Variants in HRH2 observed in about 807,000 individuals in gnomAD.
The protein encoded by HRH2 is histamine H2 receptor.
A neutral mutation model predicts 20.1 loss-of-function variants in HRH2; 4 were observed. The ratio of observed to expected loss-of-function variants is 0.20; its 90% CI spans 0.10 to 0.45. The LOEUF (loss-of-function observed/expected upper bound fraction) is 0.45, where lower values mean the gene tolerates loss of function less well. Among genes scored for constraint, HRH2 ranks in the 20% least tolerant of loss-of-function variants. The pLI, the probability that HRH2 is intolerant of heterozygous loss-of-function variation, is 0.99. For missense variants in HRH2, 250 were observed against 461.6 expected, an observed-to-expected ratio of 0.54 and a Z score of 4.20; for synonymous variants, 197 against 200.7, an observed-to-expected ratio of 0.98 and a Z score of 0.16.
At chr5:175,705,638 C>T (rs756309572) in intron 2 of HRH2, among the ~76,000 whole-genome samples, 2 of 151,946 alleles carry the variant, frequency 1.3e-5, no homozygotes, top group Non-Finnish European at 1.5e-5. Context: ...GGACTACCTA[C>T]CCCTACAGGT....
chr5:175,665,567 G>A (rs1208284923), intron 1 of HRH2, among the ~76,000 whole-genome samples: 1 of 152,150 alleles, frequency 6.6e-6, no homozygotes, highest in South Asian at 2.1e-4. Flanking sequence ...ACCACTGACT[G>A]TTGCTTCCAG....
At position 175,693,511 on chromosome 5, in the gene HRH2, G is replaced by A. The variant is rs926769979; in HGVS notation, c.1076+9202G>A. Reference sequence around the variant, plus strand: ...TGGAGGACACTCAGTCCCTCCTCACGTGAGGACTGACCACATCCCTTTGTT... The same window carrying A: ...TGGAGGACACTCAGTCCCTCCTCACATGAGGACTGACCACATCCCTTTGTT... On this transcript the variant is annotated intron_variant, in intron 2 of 2. Transcript: ENST00000636584. The surrounding 1 kb of genome is among the most constrained non-coding windows in gnomAD (Gnocchi z 4.4). Among the ~76,000 whole-genome samples the A allele has an allele frequency of 2.0e-5, 3 of 152,224 alleles. No individual in the cohort carries two copies. The highest frequency in any genetic ancestry group is 2.9e-5 in the Non-Finnish European group (2 of 68,038).
chr5:175,681,901 C>T lies in HRH2; in HGVS notation c.-525-808C>T, dbSNP rs1203678770. ...AGAGATGCGTTCGGAGCAGGGGTGG[C>T]GTGGATGACAGGTGACGAACTGCCG... On this transcript the variant is annotated intron_variant, in intron 1 of 2. Transcript: ENST00000636584. The surrounding 1 kb of genome is among the most constrained non-coding windows in gnomAD (Gnocchi z 4.3). Among the ~76,000 whole-genome samples, 4 of 152,140 alleles carry T rather than the reference C, an allele frequency of 2.6e-5. No homozygotes were observed. Among genetic ancestry groups the T allele is most frequent in the African/African-American group, 9.7e-5 (4 of 41,432 alleles).
At chr5:175,698,733 G>T (rs1416283907) in intron 2 of HRH2, among the ~76,000 whole-genome samples, 1 of 152,122 alleles carries the variant, frequency 6.6e-6, no homozygotes, top group East Asian at 1.9e-4. Context: ...TGGGCCTAAA[G>T]CTCCCAGACC....
intron 2 of HRH2, among the ~76,000 whole-genome samples, chr5:175,701,638 T>A (rs891315309): frequency 1.3e-5 from 2 of 152,160 alleles, no homozygotes; most frequent in African/African-American, 4.8e-5. Context: ...GATTGGGTCA[T>A]GTGTCTATCC....
chr5:175,705,402 G>T (rs536972071), intron 2 of HRH2, among the ~76,000 whole-genome samples: 6 of 152,090 alleles, frequency 3.9e-5, no homozygotes, highest in Non-Finnish European at 8.8e-5. Context: ...TTCTTGTAAT[G>T]GTAAAAAACT....
At chr5:175,663,213 G>A (rs2113470129) in intron 1 of HRH2, among the ~76,000 whole-genome samples, 1 of 152,294 alleles carries the variant, frequency 6.6e-6, no homozygotes, top group East Asian at 1.9e-4. Flanking sequence ...ACATGGTGAT[G>A]CAGCTTTGAC....
intron 1 of HRH2, among the ~76,000 whole-genome samples, chr5:175,678,595 G>T (rs1755840208): frequency 6.6e-6 from 1 of 152,282 alleles, no homozygotes; most frequent in South Asian, 2.1e-4. Context: ...TGTCCGTTCT[G>T]TAGAGTAAGG....
chr5:175,668,786 C>T (rs528289487), intron 1 of HRH2, among the ~76,000 whole-genome samples: 1 of 152,200 alleles, frequency 6.6e-6, no homozygotes, highest in Admixed American at 6.5e-5. Context: ...CACTCAAAGA[C>T]TCTTAGGGAA....
chr5:175,691,008 G>A (rs531460502), intron 2 of HRH2, among the ~76,000 whole-genome samples: 14 of 152,116 alleles, frequency 9.2e-5, no homozygotes, highest in South Asian at 2.1e-4. Context: ...TCCATCCAAG[G>A]GCCCATTTTT....
In HRH2 at chr5:175,707,881, G is replaced by A. The variant is rs1004938304; in HGVS notation, c.1179G>A (p.Ser393=). Residue 393 remains serine (S), a synonymous_variant, in exon 3 of 3, where the codon TCG becomes TCA. Transcript: ENST00000636584. ...TTCAGAGACACATGGGAGGCCCCTC[G>A]GAGGAGCTATCGGGGGAGCCACTGT... ...RFLQRHMGGP[S]EELSGEPLSE... 14 of 399,208 alleles carry A rather than the reference G, an allele frequency of 3.5e-5. No homozygotes were observed. Among genetic ancestry groups the A allele is most frequent in the Admixed American group, 8.8e-5 (2 of 22,724 alleles). The allele number at this position is 399,208 out of a possible 1,614,324, so 24.7% of individuals were successfully genotyped here. A position where few individuals can be genotyped will look rare whatever the true frequency, so the allele number is the denominator to read the frequency against.
At chr5:175,703,755 T>C (rs933176904) in intron 2 of HRH2, 1 of 152,016 alleles carries the variant, frequency 6.6e-6, no homozygotes, top group Non-Finnish European at 1.5e-5. Context: ...AAAAAGATAA[T>C]AAGAACATTA....
At chr5:175,695,199 T>G (rs1182394543) in intron 2 of HRH2, among the ~76,000 whole-genome samples, 2 of 152,074 alleles carry the variant, frequency 1.3e-5, no homozygotes, top group Non-Finnish European at 2.9e-5. Context: ...TAATTGTGAC[T>G]GCTGACCATC....
At position 175,683,854 on chromosome 5, in the gene HRH2, G is replaced by A; in HGVS notation, c.621G>A (p.Lys207=). 1 of 1,614,150 alleles carries A rather than the reference G, an allele frequency of 6.2e-7. No individual in the cohort carries two copies. The highest frequency in any genetic ancestry group is 8.5e-7 in the Non-Finnish European group (1 of 1,180,026). ...IMCITYYRIF[K]VARDQAKRIN... is the part of the protein sequence containing the mutation. Reference sequence around the variant, plus strand: ...GCATCACCTACTACCGCATCTTCAAGGTCGCCCGGGATCAGGCCAAGAGGA... The same window carrying A: ...GCATCACCTACTACCGCATCTTCAAAGTCGCCCGGGATCAGGCCAAGAGGA... The change falls in exon 2 of 3, where the codon AAG becomes AAA. Residue 207 remains lysine (K), a synonymous_variant. Transcript: ENST00000636584.
intron 2 of HRH2, 169 bp downstream of exon 2, chr5:175,684,478 G>T (rs1756098572): frequency 4.2e-6 from 2 of 476,116 alleles, no homozygotes; most frequent in Non-Finnish European, 5.5e-6. Context: ...GGCCCCCAAA[G>T]GTAGAACTTA....
chr5:175,694,663 G>T (rs1756508694), intron 2 of HRH2, among the ~76,000 whole-genome samples: 1 of 152,138 alleles, frequency 6.6e-6, no homozygotes, highest in African/African-American at 2.4e-5. Flanking sequence ...GCAGCATGAG[G>T]CCTCCTAGCT....
In HRH2 at chr5:175,707,850, G is replaced by A; in HGVS notation, c.1148G>A (p.Arg383Lys). The A allele has an allele frequency of 2.5e-6, 1 of 399,270 alleles. No homozygotes were observed. Among genetic ancestry groups the A allele is most frequent in the Non-Finnish European group, 4.4e-6 (1 of 226,206 alleles). 24.7% of individuals were successfully genotyped at this position (399,270 alleles called of 1,614,324 possible). Residue 383 changes from arginine (R) to lysine (K), a missense_variant, in exon 3 of 3, where the codon AGG (arginine) becomes AAG (lysine). Physicochemically the swap from Arg to Lys is conservative, Grantham distance 26. This residue lies in a region of HRH2 where 55 missense variants were observed against 66.9 expected (regional missense o/e 0.82). Coordinates refer to ENST00000636584, the MANE Select transcript of HRH2 (RefSeq NM_001367711.1). ...TGCTGCAAGAGCCTGTGGGGGCTCA[G>A]GTTCCTTCAGAGACACATGGGAGGC... ...LSCCKSLWGL[R>K]FLQRHMGGPS...
rs565757716 is a variant in HRH2, at chr5:175,676,060, GC to G, written c.-525-6642del. Among the ~76,000 whole-genome samples, 32 of 152,192 alleles carry G rather than the reference GC, an allele frequency of 2.1e-4. No individual in the cohort carries two copies. In the South Asian group the frequency reaches 6.4e-3, roughly 31 times the overall value. ...ACTCAGCATCGGCACACTTTTGGAG[GC>G]CCCCCCATCAGCCCAGACAATCTAA... On this transcript the variant is annotated intron_variant, in intron 1 of 2. Transcript: ENST00000636584.
intron 1 of HRH2, among the ~76,000 whole-genome samples, chr5:175,671,998 G>GT (rs1755562097): frequency 6.6e-6 from 1 of 152,138 alleles, no homozygotes; most frequent in Non-Finnish European, 1.5e-5. Context: ...GGAGCACTGT[G>GT]TTTTGTTTCC....
Sources: allele counts gnomAD v4.1 joint callset (sites outside exome capture counted in the v4.1 genomes callset), GRCh38; gene constraint gnomAD v4.1.1; regional missense constraint gnomAD v4.1.1; non-coding constraint Gnocchi (gnomAD v3.1); transcripts MANE v1.5; gene names NCBI Gene and HGNC (gene_info 2026-07-23, HGNC 2026-07-21).